The following LRP1B variants were observed in gnomAD, a reference collection of about 807,000 sequenced individuals.
LRP1B encodes LDL receptor related protein 1B, also known as low-density lipoprotein receptor-related protein 1B.
A neutral mutation model predicts 556.6 loss-of-function variants in LRP1B; 217 were observed. The observed-to-expected ratio is 0.39, with a 90% CI of 0.35 to 0.44. The LOEUF (loss-of-function observed/expected upper bound fraction) is 0.44, where lower values mean the gene tolerates loss of function less well. Ranked by LOEUF, LRP1B falls within the 20% of genes least tolerant of loss-of-function variation. The pLI is 1.00. For missense variants in LRP1B, 5,053 were observed against 5,620.8 expected (o/e 0.90, Z 3.23); for synonymous variants, 2,047 against 1,865.8 (o/e 1.10, Z -2.50).
chr2:141,133,052 A>T (rs1281696112), intron 7 of LRP1B, among the ~76,000 whole-genome samples: 27 of 152,140 alleles, frequency 1.8e-4, no homozygotes, highest in Non-Finnish European at 8.8e-5. Flanking sequence ...CTATGACTTA[A>T]GTTACTTGTT....
At chr2:141,203,400 T>A (rs1430204093) in intron 6 of LRP1B, among the ~76,000 whole-genome samples, 1 of 151,552 alleles carries the variant, frequency 6.6e-6, no homozygotes, top group African/African-American at 2.4e-5. Flanking sequence ...TAATCTGTGA[T>A]AAAACAGACT....
intron 43 of LRP1B, among the ~76,000 whole-genome samples, chr2:140,545,841 G>T (rs867246711): frequency 6.6e-6 from 1 of 151,816 alleles, no homozygotes; most frequent in Non-Finnish European, 1.5e-5. Context: ...TCTATAAATT[G>T]CTTTAGGTAG....
intron 20 of LRP1B, among the ~76,000 whole-genome samples, chr2:140,927,685 G>A (rs1000760577): frequency 2.0e-5 from 3 of 147,836 alleles, no homozygotes; most frequent in African/African-American, 7.4e-5. Context: ...GTTGTGTGAG[G>A]CAGATTAGTA....
chr2:141,745,237 G>GT (rs1248648284), intron 2 of LRP1B, among the ~76,000 whole-genome samples: 3 of 152,108 alleles, frequency 2.0e-5, no homozygotes, highest in Admixed American at 2.0e-4. Context: ...ATCAGCAAGT[G>GT]GCAAAGTCAG....
intron 1 of LRP1B, among the ~76,000 whole-genome samples, chr2:141,882,938 C>T (rs1030860882): frequency 6.6e-6 from 1 of 152,106 alleles, no homozygotes; most frequent in African/African-American, 2.4e-5. Flanking sequence ...ACAAAGGTGG[C>T]AAACGTATGT....
chr2:142,016,873 T>C (rs948858644), intron 1 of LRP1B, among the ~76,000 whole-genome samples: 3 of 149,186 alleles, frequency 2.0e-5, no homozygotes, highest in African/African-American at 7.3e-5. Flanking sequence ...CACATATATG[T>C]ATATATGTGT....
intron 66 of LRP1B, among the ~76,000 whole-genome samples, chr2:140,394,433 G>A (rs1039926493): frequency 6.6e-6 from 1 of 152,222 alleles, no homozygotes; most frequent in African/African-American, 2.4e-5. Context: ...GTGGCCAGGT[G>A]ATGTCCTCAG....
At chr2:140,435,553 A>G (rs116828173) in intron 66 of LRP1B, among the ~76,000 whole-genome samples, 1 of 151,996 alleles carries the variant, frequency 6.6e-6, no homozygotes, top group Non-Finnish European at 1.5e-5. Flanking sequence ...GGCTTTTGCT[A>G]CCTATCAATC....
intron 23 of LRP1B, among the ~76,000 whole-genome samples, chr2:140,892,481 G>C (rs1335142335): frequency 6.6e-6 from 1 of 152,114 alleles, no homozygotes; most frequent in Non-Finnish European, 1.5e-5. Context: ...GCAAACAAAA[G>C]CAATGATATA....
intron 82 of LRP1B, among the ~76,000 whole-genome samples, chr2:140,316,117 A>AT (rs1224799670): frequency 1.3e-5 from 2 of 152,272 alleles, no homozygotes; most frequent in African/African-American, 4.8e-5. Context: ...TGCTGTGCAT[A>AT]TTGGCATGGC....
intron 7 of LRP1B, among the ~76,000 whole-genome samples, chr2:141,105,386 C>A (rs1442251796): frequency 6.6e-6 from 1 of 151,854 alleles, no homozygotes; most frequent in Non-Finnish European, 1.5e-5. Flanking sequence ...ACACTTTAAA[C>A]CTGTGTGCTG....
intron 3 of LRP1B, among the ~76,000 whole-genome samples, chr2:141,397,454 GA>G (rs1158865844): frequency 6.1e-5 from 9 of 148,600 alleles, no homozygotes; most frequent in East Asian, 3.9e-4. Flanking sequence ...AGTAGGATAT[GA>G]AAAAAAAAGT....
At chr2:142,116,037 G>T (rs1707260854) in intron 1 of LRP1B, among the ~76,000 whole-genome samples, 2 of 145,818 alleles carry the variant, frequency 1.4e-5, no homozygotes, top group Non-Finnish European at 3.0e-5. Context: ...CCAACATGGT[G>T]AAATGTCTAT....
chr2:140,492,759 C>T (rs1046745658), intron 56 of LRP1B, 66 bp from the exon 57 acceptor site: 33 of 1,160,484 alleles, frequency 2.8e-5, no homozygotes, highest in Non-Finnish European at 4.0e-5. Context: ...TGCATAATTT[C>T]AGTTTAGTTT....
At chr2:141,545,765 G>A (rs1685528005) in intron 2 of LRP1B, among the ~76,000 whole-genome samples, 3 of 152,140 alleles carry the variant, frequency 2.0e-5, no homozygotes, top group Admixed American at 2.0e-4. Context: ...ATTTTAGAGA[G>A]ATGTGGCATT....
At chr2:141,286,682 A>T in intron 3 of LRP1B, 1 of 442,520 alleles carries the variant, frequency 2.3e-6, no homozygotes. Context: ...AAGAATATTC[A>T]GATTTTATTT....
intron 23 of LRP1B, among the ~76,000 whole-genome samples, chr2:140,888,109 C>A (rs1009279384): frequency 1.3e-5 from 2 of 152,004 alleles, no homozygotes; most frequent in African/African-American, 4.8e-5. Context: ...CAAATACTAC[C>A]TTTAGCTCAC....
chr2:141,653,302 G>A (rs894655684), intron 2 of LRP1B, among the ~76,000 whole-genome samples: 1 of 152,158 alleles, frequency 6.6e-6, no homozygotes, highest in South Asian at 2.1e-4. Context: ...CAAGATCATC[G>A]TGTGGAGAGT....
At chr2:141,832,075 C>T (rs977024116) in intron 1 of LRP1B, among the ~76,000 whole-genome samples, 1 of 151,610 alleles carries the variant, frequency 6.6e-6, no homozygotes, top group Non-Finnish European at 1.5e-5. Flanking sequence ...TCTCATATGT[C>T]TTTCTAGTCT....
Sources: allele counts gnomAD v4.1 joint callset (sites outside exome capture counted in the v4.1 genomes callset), GRCh38; gene constraint gnomAD v4.1.1; transcripts MANE v1.5; gene names NCBI Gene and HGNC (gene_info 2026-07-23, HGNC 2026-07-21).